Variants in ESRP1 observed in about 807,000 individuals in gnomAD.
ESRP1 encodes the protein RNA-binding motif protein 35A.
A neutral mutation model predicts 81.7 loss-of-function variants in ESRP1; 33 were observed. The observed-to-expected ratio is 0.40, with a 90% CI of 0.31 to 0.54. ESRP1 has a LOEUF of 0.54. ESRP1 is among the 20% of genes least tolerant of loss of function. The pLI is 0.41. For synonymous variants in ESRP1, 320 were observed against 303.3 expected (o/e 1.06, Z -0.57); for missense variants, 672 against 833.1 (o/e 0.81, Z 2.38).
At chr8:94,670,614 G>T (rs540765632) in intron 10 of ESRP1, among the ~76,000 whole-genome samples, 1 of 152,294 alleles carries the variant, frequency 6.6e-6, no homozygotes, top group African/African-American at 2.4e-5. Flanking sequence ...GATGGCATTT[G>T]CCTAAGGACT....
At chr8:94,670,827 A>ACT (rs1819280091) in intron 10 of ESRP1, among the ~76,000 whole-genome samples, 1 of 152,088 alleles carries the variant, frequency 6.6e-6, no homozygotes, top group African/African-American at 2.4e-5. Context: ...GGGAAACTAA[A>ACT]CTACTATTCA....
intron 6 of ESRP1, 148 bp from the exon 7 acceptor site, chr8:94,664,549 G>A: frequency 1.6e-6 from 1 of 629,204 alleles, no homozygotes; most frequent in South Asian, 2.0e-5. Flanking sequence ...TAATTTTTGA[G>A]GTTATAAGGA....
chr8:94,703,465 C>A (rs1298447855), intron 15 of ESRP1, among the ~76,000 whole-genome samples: 4 of 152,118 alleles, frequency 2.6e-5, no homozygotes, highest in African/African-American at 9.7e-5. Flanking sequence ...TTCATTGTTA[C>A]ACAGTCAAAC....
intron 10 of ESRP1, among the ~76,000 whole-genome samples, chr8:94,668,953 C>T (rs1484510480): frequency 1.3e-5 from 2 of 152,098 alleles, no homozygotes; most frequent in African/African-American, 4.8e-5. Context: ...CCACCACACC[C>T]AGCTAAGTTT....
At chr8:94,700,955 G>A (rs902082939) in intron 15 of ESRP1, among the ~76,000 whole-genome samples, 16 of 38,056 alleles carry the variant, frequency 4.2e-4, no homozygotes, top group South Asian at 2.1e-3. Flanking sequence ...GTGTGTGTAT[G>A]TGTGTGTGTG....
chr8:94,660,746 A>AAAC (rs1173709329), intron 4 of ESRP1, among the ~76,000 whole-genome samples: 28 of 136,868 alleles, frequency 2.0e-4, no homozygotes, highest in Admixed American at 7.1e-4. Context: ...AAAAAAAACC[A>AAAC]AAACAAACAA....
At chr8:94,667,647 A>C (rs1819097551) in intron 9 of ESRP1, among the ~76,000 whole-genome samples, 1 of 152,202 alleles carries the variant, frequency 6.6e-6, no homozygotes, top group Non-Finnish European at 1.5e-5. Context: ...TAAAGCCAAG[A>C]TTGGACCCAG....
At chr8:94,698,833 C>T (rs777855109) in intron 15 of ESRP1, among the ~76,000 whole-genome samples, 1 of 152,174 alleles carries the variant, frequency 6.6e-6, no homozygotes, top group Non-Finnish European at 1.5e-5. Context: ...CATCTTAGCC[C>T]TTTGCTCTGA....
rs1233009522 is a variant in ESRP1, at chr8:94,682,632, G to A, written c.1820+4261G>A. Among the ~76,000 whole-genome samples the A allele has an allele frequency of 4.3e-5, 4 of 93,754 alleles. No individual in the cohort carries two copies. The East Asian group carries it at 1.7e-3, about 39-fold the overall frequency. 61.5% of individuals were successfully genotyped at this position (93,754 alleles called of 152,430 possible). ...TCTTCCCACGTCAGCCTCCCAATGT[G>A]CTGGGATTACAGGTGTGAGCCACCA... On this transcript the variant is annotated intron_variant, in intron 13 of 15. Coordinates refer to ENST00000433389, the MANE Select transcript of ESRP1 (RefSeq NM_017697.4).
chr8:94,696,522 A>G (rs1260940737), intron 14 of ESRP1, among the ~76,000 whole-genome samples: 2 of 152,220 alleles, frequency 1.3e-5, no homozygotes, highest in African/African-American at 4.8e-5. Flanking sequence ...CAAATATTTG[A>G]TATGTAATCA....
chr8:94,646,346 A>G, intron 4 of ESRP1, 64 bp downstream of exon 4: 1 of 1,088,134 alleles, frequency 9.2e-7, no homozygotes, highest in Non-Finnish European at 1.3e-6. Flanking sequence ...GTAATTCAAG[A>G]AACTTTCAAA....
In ESRP1 at chr8:94,641,559, C is replaced by T. The variant is rs538337067; in HGVS notation, c.132+109C>T. On this transcript the variant is annotated intron_variant, in intron 1 of 15. Transcript: ENST00000433389. ...TAAGTAAATAAGTGCTCTTGTTTGC[C>T]CACTTGTGAGTCTGGACCCGAGGCC... The T allele has an allele frequency of 6.1e-6, 9 of 1,477,478 alleles. 1 individual carries two copies. In the South Asian group the frequency reaches 8.5e-5, roughly 14 times the overall value. 91.5% of individuals were successfully genotyped at this position (1,477,478 alleles called of 1,614,324 possible).
intron 4 of ESRP1, among the ~76,000 whole-genome samples, chr8:94,657,481 G>T (rs1045349508): frequency 6.6e-6 from 1 of 150,910 alleles, no homozygotes; most frequent in African/African-American, 2.4e-5. Context: ...GCGTGTGTGT[G>T]TGTGTGTGTG....
At chr8:94,692,877 G>T in intron 14 of ESRP1, 50 bp downstream of exon 14, 1 of 1,572,026 alleles carries the variant, frequency 6.4e-7, no homozygotes, top group South Asian at 1.2e-5. Flanking sequence ...TACTTAAGTT[G>T]ATTTGCCTAA....
rs768075397 is a variant in ESRP1, at chr8:94,678,191, T to C, written c.1652-12T>C. 2 of 1,613,268 alleles carry C rather than the reference T, an allele frequency of 1.2e-6. No homozygotes were observed. The highest frequency in any genetic ancestry group is 1.7e-5 in the Admixed American group (1 of 59,922). On this transcript the variant is annotated splice_polypyrimidine_tract_variant and intron_variant, in intron 12 of 15. Coordinates refer to ENST00000433389, the MANE Select transcript of ESRP1 (RefSeq NM_017697.4). ...CAAATATGTCTCAAAGAATCTCTCT[T>C]TGCATATCTAGGCCTGTCTCCTCCC... is the stretch of plus-strand genomic sequence containing the variant.
chr8:94,642,575 C>T (rs60341081), intron 2 of ESRP1, among the ~76,000 whole-genome samples: 7,071 of 152,210 alleles, frequency 0.046, 540 homozygotes, highest in African/African-American at 0.16. Flanking sequence ...TCTGAACTCC[C>T]AACGAAAGGC....
At chr8:94,698,462 C>T (rs749132412) in intron 15 of ESRP1, among the ~76,000 whole-genome samples, 3 of 152,176 alleles carry the variant, frequency 2.0e-5, no homozygotes, top group Non-Finnish European at 4.4e-5. Flanking sequence ...GTTTTTGTTG[C>T]GTGTCTTTTT....
intron 15 of ESRP1, 145 bp downstream of exon 15, chr8:94,697,106 G>A: frequency 1.7e-6 from 1 of 597,966 alleles, no homozygotes; most frequent in Non-Finnish European, 2.8e-6. Flanking sequence ...ATGGAGACTA[G>A]AATTAAGTTT....
chr8:94,687,438 G>A (rs2130698839), intron 13 of ESRP1, among the ~76,000 whole-genome samples: 1 of 152,246 alleles, frequency 6.6e-6, no homozygotes, highest in South Asian at 2.1e-4. Context: ...CAGTTTTCTA[G>A]GGTATATATC....
Sources: gnomAD v4.1 joint callset for allele counts (sites outside exome capture counted in the v4.1 genomes callset) on GRCh38, gnomAD v4.1.1 for gene constraint, MANE v1.5 for transcripts, NCBI Gene and HGNC (gene_info 2026-07-23, HGNC 2026-07-21) for gene names.